The following GLDN variants were observed in gnomAD, a reference collection of about 807,000 sequenced individuals.
GLDN encodes gliomedin.
Under a neutral mutation model 56.5 loss-of-function variants are expected in GLDN, and 47 were observed. That is an observed-to-expected ratio of 0.83 (90% CI 0.66 to 1.06). The LOEUF is 1.06. GLDN is among the 50% of genes least tolerant of loss of function. The pLI, the probability that GLDN is intolerant of heterozygous loss-of-function variation, is 0.00. For missense variants in GLDN, 782 were observed against 714.3 expected, an observed-to-expected ratio of 1.09 and a Z score of -1.08; for synonymous variants, 332 against 278.8, an observed-to-expected ratio of 1.19 and a Z score of -1.90.
intron 1 of GLDN, among the ~76,000 whole-genome samples, chr15:51,357,013 G>C (rs2037199230): frequency 6.6e-6 from 1 of 152,184 alleles, no homozygotes; most frequent in Admixed American, 6.5e-5. Flanking sequence ...AAAAAATACT[G>C]TTTTCCAGAT....
At chr15:51,388,993 C>T (rs2037960062) in intron 4 of GLDN, among the ~76,000 whole-genome samples, 1 of 152,186 alleles carries the variant, frequency 6.6e-6, no homozygotes, top group Non-Finnish European at 1.5e-5. Flanking sequence ...GTATAACCTG[C>T]CAGTCAGAGA....
intron 2 of GLDN, among the ~76,000 whole-genome samples, chr15:51,379,487 G>A (rs1595822466): frequency 6.6e-6 from 1 of 152,310 alleles, no homozygotes; most frequent in Non-Finnish European, 1.5e-5. Flanking sequence ...CTTATTCTAT[G>A]CCTAGGCAAA....
intron 1 of GLDN, among the ~76,000 whole-genome samples, chr15:51,374,613 G>A (rs1288357227): frequency 1.3e-5 from 2 of 152,126 alleles, no homozygotes; most frequent in African/African-American, 4.8e-5. Context: ...AGAGCTATTG[G>A]GGGTGAGGGG....
At chr15:51,384,275 A>C (rs2037841067) in intron 4 of GLDN, 1 of 256,720 alleles carries the variant, frequency 3.9e-6, no homozygotes, top group African/African-American at 2.3e-5. Context: ...CCTCCTGCCC[A>C]GCGAATCTGT....
chr15:51,384,023 T>G, intron 4 of GLDN, 131 bp downstream of exon 4: 2 of 756,956 alleles, frequency 2.6e-6, no homozygotes, highest in Non-Finnish European at 4.7e-6. Context: ...GTTTAACTCT[T>G]ACCTAGAAGC....
chr15:51,360,890 C>A (rs767019285), intron 1 of GLDN, among the ~76,000 whole-genome samples: 6 of 152,202 alleles, frequency 3.9e-5, no homozygotes, highest in Non-Finnish European at 8.8e-5. Flanking sequence ...AACACTCTTA[C>A]AGATGTTTTT....
At chr15:51,353,030 A>G (rs1338818456) in intron 1 of GLDN, among the ~76,000 whole-genome samples, 1 of 152,218 alleles carries the variant, frequency 6.6e-6, no homozygotes, top group Non-Finnish European at 1.5e-5. Context: ...GCTCCTATAG[A>G]TAACATGACT....
At chr15:51,359,516 A>G (rs557078549) in intron 1 of GLDN, among the ~76,000 whole-genome samples, 180 of 152,292 alleles carry the variant, frequency 1.2e-3, no homozygotes, top group African/African-American at 4.1e-3. Context: ...TTGGGACCTC[A>G]ATTTGGAGCA....
At chr15:51,359,712 C>T (rs780882960) in intron 1 of GLDN, among the ~76,000 whole-genome samples, 3 of 152,128 alleles carry the variant, frequency 2.0e-5, no homozygotes, top group Non-Finnish European at 4.4e-5. Context: ...CGCGGTGGCT[C>T]ATGCCTGTAA....
chr15:51,411,455 T>A (rs75136024), downstream of GLDN, among the ~76,000 whole-genome samples: 1,655 of 152,286 alleles, frequency 0.011, 14 homozygotes, highest in Admixed American at 0.023. Context: ...GTGTAGACTT[T>A]GTGGGCATTT....
rs60903067 is a variant in GLDN at position 51,371,878 on chromosome 15, T to G, written c.364-5571T>G. ...TTTTCTATTTTTAGTAGAGACAAGG[T>G]TTCCCCATATTGGCCAGGCTGGTCT... On this transcript the variant is annotated intron_variant, in intron 1 of 9. Coordinates refer to ENST00000335449, the MANE Select transcript of GLDN (RefSeq NM_181789.4). 0.011 allele frequency among the ~76,000 whole-genome samples: 1,698 copies of G among 152,254 alleles called. 55 individuals are homozygous for G. In the East Asian group the frequency reaches 0.13, roughly 12 times the overall value.
chr15:51,377,968 TG>T (rs1016137342), intron 2 of GLDN, among the ~76,000 whole-genome samples: 4 of 152,224 alleles, frequency 2.6e-5, no homozygotes, highest in African/African-American at 9.6e-5. Context: ...CTGAAGCTTT[TG>T]CTGGATCTCT....
At chr15:51,373,385 C>G (rs11070847) in intron 1 of GLDN, among the ~76,000 whole-genome samples, 8,672 of 152,234 alleles carry the variant, frequency 0.057, 405 homozygotes, top group Admixed American at 0.15. Flanking sequence ...ATTTTCAATC[C>G]ATGTTTGGTT....
At chr15:51,357,305 G>T (rs747363542) in intron 1 of GLDN, among the ~76,000 whole-genome samples, 10 of 152,204 alleles carry the variant, frequency 6.6e-5, no homozygotes, top group Non-Finnish European at 1.5e-4. Flanking sequence ...CTTGAAGCCT[G>T]TGAGACCATG....
intron 2 of GLDN, among the ~76,000 whole-genome samples, chr15:51,379,984 T>C (rs771815098): frequency 6.6e-6 from 1 of 152,186 alleles, no homozygotes; most frequent in Non-Finnish European, 1.5e-5. Context: ...GATCCTTCCC[T>C]GTGACTCAGG....
intron 1 of GLDN, among the ~76,000 whole-genome samples, chr15:51,356,538 A>G (rs1348571753): frequency 6.6e-6 from 1 of 152,240 alleles, no homozygotes. Flanking sequence ...TGCCTTCTCC[A>G]TGTAAGAGGA....
chr15:51,370,343 A>G (rs12438104), intron 1 of GLDN, among the ~76,000 whole-genome samples: 19,912 of 152,132 alleles, frequency 0.13, 2,628 homozygotes, highest in African/African-American at 0.34. Flanking sequence ...TTACAGACAA[A>G]TAACTAAGGT....
Position 51,397,669 on chromosome 15 carries a change from C to T in GLDN, c.817+71C>T, listed in dbSNP as rs1200672096. The T allele has an allele frequency of 6.5e-6, 9 of 1,391,248 alleles. No homozygotes were observed. In the East Asian group the frequency reaches 2.2e-4, roughly 33 times the overall value. The allele number at this position is 1,391,248 out of a possible 1,614,324, so 86.2% of individuals were successfully genotyped here. A position where few individuals can be genotyped will look rare whatever the true frequency, so the allele number is the denominator to read the frequency against. On this transcript the variant is annotated intron_variant, in intron 6 of 9. Transcript: ENST00000335449. ...CCAAACTCTTGGTCTGCTCCCCAGG[C>T]TCTGTGACCAGATTTGTTTTAATAG...
intron 6 of GLDN, among the ~76,000 whole-genome samples, chr15:51,398,351 T>G (rs2141128367): frequency 6.6e-6 from 1 of 152,326 alleles, no homozygotes; most frequent in South Asian, 2.1e-4. Context: ...GCCACAGGGT[T>G]GAAAGCTAAC....
Sources: allele counts gnomAD v4.1 joint callset (sites outside exome capture counted in the v4.1 genomes callset), GRCh38; gene constraint gnomAD v4.1.1; transcripts MANE v1.5; gene names NCBI Gene and HGNC (gene_info 2026-07-23, HGNC 2026-07-21).